CC2D2B: variants seen among roughly 807,000 people sequenced by gnomAD.
CC2D2B encodes the protein protein CC2D2B.
In CC2D2B, 128 loss-of-function variants were observed where a neutral mutation model predicts 161.2. The observed-to-expected ratio is 0.79, with a 90% confidence interval of 0.69 to 0.92. The LOEUF is 0.92. Among genes scored for constraint, CC2D2B ranks in the 40% least tolerant of loss-of-function variants. The pLI is 0.00. For missense variants in CC2D2B, 1,173 were observed against 1,375.1 expected (o/e 0.85, Z 2.32); for synonymous variants, 391 against 449.8 (o/e 0.87, Z 1.65).
chr10:95,947,113 A>ATATTTT (rs1289243570), intron 9 of CC2D2B, among the ~76,000 whole-genome samples: 2 of 48,386 alleles, frequency 4.1e-5, no homozygotes, highest in African/African-American at 9.3e-5. Context: ...ATATATATAT[A>ATATTTT]TTTTTTTTTT....
At chr10:96,026,802 T>A (rs1287553118) in intron 33 of CC2D2B, among the ~76,000 whole-genome samples, 2 of 151,980 alleles carry the variant, frequency 1.3e-5, no homozygotes, top group Non-Finnish European at 2.9e-5. Context: ...TCCTCCTAAG[T>A]CCAAAAAGTA....
chr10:95,979,489 G>A (rs184627110), intron 17 of CC2D2B, among the ~76,000 whole-genome samples: 1 of 152,172 alleles, frequency 6.6e-6, no homozygotes, highest in Admixed American at 6.5e-5. Flanking sequence ...CTTTATCTAA[G>A]TAAAGTTCCC....
intron 32 of CC2D2B, chr10:96,020,507 C>T (rs1417196406): frequency 6.6e-6 from 1 of 152,186 alleles, no homozygotes; most frequent in African/African-American, 2.4e-5. Context: ...TGGGAAGGCA[C>T]TAGAAATACC....
chr10:96,029,286 G>GTATATATA (rs58363071), intron 34 of CC2D2B, among the ~76,000 whole-genome samples: 1 of 70,638 alleles, frequency 1.4e-5, no homozygotes, highest in Non-Finnish European at 3.0e-5. Context: ...ATATATATAT[G>GTATATATA]TATATATATA....
intron 5 of CC2D2B, among the ~76,000 whole-genome samples, chr10:95,925,352 C>T (rs2098536529): frequency 6.6e-6 from 1 of 152,208 alleles, no homozygotes; most frequent in African/African-American, 2.4e-5. Context: ...GTTACAGTTT[C>T]CTTGGATAGG....
chr10:95,954,318 A>G (rs2076502482), intron 10 of CC2D2B, among the ~76,000 whole-genome samples: 1 of 151,858 alleles, frequency 6.6e-6, no homozygotes, highest in South Asian at 2.1e-4. Flanking sequence ...CTGGGCTCCA[A>G]CTCCACTCTT....
intron 9 of CC2D2B, among the ~76,000 whole-genome samples, chr10:95,942,415 G>GC (rs2076054375): frequency 6.6e-6 from 1 of 151,736 alleles, no homozygotes; most frequent in South Asian, 2.1e-4. Context: ...ATTTTAGTTT[G>GC]CATATATTCT....
intron 24 of CC2D2B, chr10:96,000,322 T>G (rs990444976): frequency 2.7e-5 from 9 of 335,578 alleles, no homozygotes; most frequent in Admixed American, 1.4e-4. Context: ...TCGTCTGTCT[T>G]TATTTATTTA....
chr10:96,023,989 A>C (rs1294126860), intron 32 of CC2D2B, among the ~76,000 whole-genome samples: 1 of 152,206 alleles, frequency 6.6e-6, no homozygotes, highest in Non-Finnish European at 1.5e-5. Flanking sequence ...CGAAGGGGGA[A>C]CATCTGTTCC....
intron 33 of CC2D2B, among the ~76,000 whole-genome samples, chr10:96,026,531 T>G (rs2079784711): frequency 6.6e-6 from 1 of 152,136 alleles, no homozygotes. Flanking sequence ...GGCAGTTTCT[T>G]GGAAACAAAA....
chr10:95,935,297 A>G (rs916445721), intron 6 of CC2D2B, among the ~76,000 whole-genome samples: 2 of 152,134 alleles, frequency 1.3e-5, no homozygotes, highest in African/African-American at 4.8e-5. Flanking sequence ...ATTTCTTACA[A>G]ACCCTGTTGG....
In CC2D2B at chr10:95,927,316, G is replaced by A. The variant is rs2098541162; in HGVS notation, c.320G>A (p.Gly107Asp). 3.9e-6 allele frequency: 6 copies of A among 1,549,348 alleles called. No individual in the cohort carries two copies. The highest frequency in any genetic ancestry group is 5.2e-6 in the Non-Finnish European group (6 of 1,144,876). ...AGTGGTGAAGAAGGTTCAGCTTTGGGCAAGTCTTCAGAGCAGGTTGGATTT... is the reference window on the plus strand; with the variant it reads ...AGTGGTGAAGAAGGTTCAGCTTTGGACAAGTCTTCAGAGCAGGTTGGATTT... The part of the protein sequence containing the change: ...ILSGEEGSAL[G>D]KSSEQRPVNR... The change falls in exon 6 of 35, where the codon GGC (glycine) becomes GAC (aspartate). Residue 107 changes from glycine (G) to aspartate (D), a missense_variant. Physicochemically the swap from Gly to Asp is moderately conservative, Grantham distance 94. Around this residue, in one of 3 missense-constraint regions of CC2D2B, gnomAD observed 298 missense variants for 261.2 expected, o/e 1.14. Coordinates refer to ENST00000646931, the MANE Select transcript of CC2D2B (RefSeq NM_001349008.3).
intron 6 of CC2D2B, among the ~76,000 whole-genome samples, chr10:95,937,125 A>G (rs1236236646): frequency 2.6e-5 from 4 of 152,220 alleles, no homozygotes; most frequent in Non-Finnish European, 4.4e-5. Flanking sequence ...AACCTAGTGG[A>G]TGTTTAATGA....
In CC2D2B at chr10:96,013,873, C is replaced by G; in HGVS notation, c.3512C>G (p.Ser1171Ter). ...ENDGSDIWMT[S>*]EHCISLAIGN... ...GATGGCTCTGATATATGGATGACATCAGAGGTAATAAATTACATTTTATAT... is the reference window on the plus strand; with the variant it reads ...GATGGCTCTGATATATGGATGACATGAGAGGTAATAAATTACATTTTATAT... Residue 1171 changes from serine (S) to a stop codon, truncating the protein, a stop_gained, in exon 29 of 35, where the codon TCA becomes TGA. Transcript: ENST00000646931. LOFTEE classifies it high-confidence loss of function. 6.6e-7 allele frequency: 1 copy of G among 1,512,730 alleles called. No homozygotes were observed. The highest frequency in any genetic ancestry group is 9.0e-7 in the Non-Finnish European group (1 of 1,110,904). 93.7% of individuals were successfully genotyped at this position (1,512,730 alleles called of 1,614,324 possible).
intron 31 of CC2D2B, 54 bp from the exon 32 acceptor site, chr10:96,019,648 A>G: frequency 6.6e-7 from 1 of 1,507,950 alleles, no homozygotes; most frequent in Non-Finnish European, 8.8e-7. Flanking sequence ...CTTACCAACA[A>G]TGGGCCTTGT....
At chr10:95,958,532 T>C (rs1590602167) in intron 11 of CC2D2B, among the ~76,000 whole-genome samples, 1 of 140,674 alleles carries the variant, frequency 7.1e-6, no homozygotes, top group East Asian at 2.0e-4. Context: ...ATAAACCACA[T>C]ATAAACAAAA....
intron 27 of CC2D2B, 41 bp from the exon 28 acceptor site, chr10:96,012,491 C>T: frequency 7.2e-7 from 1 of 1,383,920 alleles, no homozygotes; most frequent in Non-Finnish European, 1.0e-6. Flanking sequence ...CTTGTGAGAA[C>T]AATACAGTAC....
chr10:95,966,667 C>A (rs1026606708), intron 14 of CC2D2B, among the ~76,000 whole-genome samples: 2 of 151,888 alleles, frequency 1.3e-5, no homozygotes, highest in African/African-American at 4.8e-5. Context: ...AATTTTCGTT[C>A]AGGTATAAAT....
At chr10:95,988,174 G>A in intron 19 of CC2D2B, 76 bp from the exon 20 acceptor site, 1 of 472,700 alleles carries the variant, frequency 2.1e-6, no homozygotes. Flanking sequence ...GAAGTGACTA[G>A]TGATATTTAT....
Sources: gnomAD v4.1 joint callset for allele counts (sites outside exome capture counted in the v4.1 genomes callset) on GRCh38, gnomAD v4.1.1 for gene constraint, gnomAD v4.1.1 regional missense constraint, MANE v1.5 for transcripts, NCBI Gene and HGNC (gene_info 2026-07-23, HGNC 2026-07-21) for gene names.